NETO2: variants seen among roughly 807,000 people sequenced by gnomAD.
NETO2 encodes neuropilin and tolloid-like protein 2.
In NETO2, 28 loss-of-function variants were observed where a neutral mutation model predicts 62.5. The observed-to-expected ratio is 0.45, with a 90% CI of 0.33 to 0.61. The LOEUF (loss-of-function observed/expected upper bound fraction) is 0.61, where lower values mean the gene tolerates loss of function less well. Ranked by LOEUF, NETO2 falls within the 20% of genes least tolerant of loss-of-function variation. The probability of loss-of-function intolerance (pLI) is 0.02; values close to 1 mark genes in which losing one functional copy is unlikely to be tolerated. For synonymous variants in NETO2, 214 were observed against 219.1 expected, an observed-to-expected ratio of 0.98 and a Z score of 0.21; for missense variants, 548 against 643.2, an observed-to-expected ratio of 0.85 and a Z score of 1.60.
At chr16:47,116,761 GA>G (rs1963931037) in intron 6 of NETO2, among the ~76,000 whole-genome samples, 1 of 152,172 alleles carries the variant, frequency 6.6e-6, no homozygotes, top group Non-Finnish European at 1.5e-5. Flanking sequence ...TTCTTTGTTA[GA>G]AGGTGTTTAC....
At chr16:47,135,957 A>G (rs1376999218) in intron 1 of NETO2, among the ~76,000 whole-genome samples, 2 of 152,188 alleles carry the variant, frequency 1.3e-5, no homozygotes, top group Non-Finnish European at 2.9e-5. Context: ...AATAAACAAT[A>G]AATATACTGA....
rs750129372 is a variant in NETO2, at chr16:47,083,450, C to T, written c.1349G>A (p.Ser450Asn). The stretch of plus-strand genomic sequence containing the variant: ...TTCCATGGAACTGAGGTTGGTCCTG[C>T]TTTGTTTGACGCTGGAGGCCTGCGA... The part of the protein sequence containing the change: ...CGSQASSVKQ[S>N]RTNLSSMELP... Residue 450 changes from serine (S) to asparagine (N), a missense_variant, in exon 9 of 9, where the codon AGC becomes AAC. By Grantham distance (46) the Ser-to-Asn change is conservative. Transcript: ENST00000562435. 8 of 1,614,066 alleles carry T rather than the reference C, an allele frequency of 5.0e-6. No homozygotes were observed. The highest frequency in any genetic ancestry group is 4.4e-5 in the South Asian group (4 of 91,078).
At chr16:47,131,693 A>G (rs1422694220) in intron 2 of NETO2, among the ~76,000 whole-genome samples, 3 of 152,238 alleles carry the variant, frequency 2.0e-5, no homozygotes, top group South Asian at 2.1e-4. Context: ...GTGATAAAAT[A>G]TAAATCTCCT....
intron 6 of NETO2, among the ~76,000 whole-genome samples, chr16:47,115,614 G>A (rs892315448): frequency 1.0e-4 from 15 of 149,190 alleles, no homozygotes; most frequent in South Asian, 2.1e-4. Context: ...TGCAGCCTCC[G>A]CCTCCTTGGC....
At chr16:47,131,908 T>A (rs943236182) in intron 2 of NETO2, 61 bp downstream of exon 2, 14 of 1,406,710 alleles carry the variant, frequency 1.0e-5, no homozygotes, top group Non-Finnish European at 1.3e-5. Flanking sequence ...GTTGCAATCC[T>A]TTCAAATAAG....
At chr16:47,131,922 G>C (rs773313518) in intron 2 of NETO2, 47 bp downstream of exon 2, 5 of 1,488,160 alleles carry the variant, frequency 3.4e-6, no homozygotes. Context: ...AAATAAGCCA[G>C]TCCATTGTCT....
At chr16:47,115,879 A>AT (rs1963911134) in intron 6 of NETO2, among the ~76,000 whole-genome samples, 1 of 151,112 alleles carries the variant, frequency 6.6e-6, no homozygotes, top group Non-Finnish European at 1.5e-5. Context: ...CCTGCAATTG[A>AT]TTTTTGTATA....
At chr16:47,111,489 G>A (rs1250705618) in intron 6 of NETO2, among the ~76,000 whole-genome samples, 5 of 152,186 alleles carry the variant, frequency 3.3e-5, no homozygotes, top group Admixed American at 6.5e-5. Context: ...TATTCATAAC[G>A]TGAATCTGAC....
At chr16:47,129,444 G>A (rs1299158295) in intron 2 of NETO2, 80 bp from the exon 3 acceptor site, 5 of 1,409,626 alleles carry the variant, frequency 3.5e-6, no homozygotes, top group South Asian at 1.2e-5. Context: ...CTTTCCAAAC[G>A]ATTGCTCACT....
At chr16:47,125,790 A>G (rs964503585) in intron 4 of NETO2, among the ~76,000 whole-genome samples, 8 of 152,184 alleles carry the variant, frequency 5.3e-5, no homozygotes, top group Admixed American at 1.3e-4. Flanking sequence ...TTCTGGGCTC[A>G]TGCAATCCTC....
intron 7 of NETO2, among the ~76,000 whole-genome samples, chr16:47,108,917 T>C (rs1264015680): frequency 6.6e-6 from 1 of 152,240 alleles, no homozygotes; most frequent in Non-Finnish European, 1.5e-5. Context: ...ATCTATGGCA[T>C]ATCTAAATCT....
In NETO2 at chr16:47,083,118, G is replaced by A. The variant is rs894172337; in HGVS notation, c.*103C>T. On this transcript the variant is annotated 3_prime_UTR_variant, in exon 9 of 9. Transcript: ENST00000562435. ...AGGTTAACGGTAAATCAAGGTCTTC[G>A]TAGTTGTGATGGGAGAAAAGGGTTG... The A allele has an allele frequency of 2.6e-5, 26 of 1,005,416 alleles. No individual in the cohort carries two copies. The highest frequency in any genetic ancestry group is 1.6e-5 in the African/African-American group (1 of 61,874). The allele number at this position is 1,005,416 out of a possible 1,614,324, so 62.3% of individuals were successfully genotyped here. A position where few individuals can be genotyped will look rare whatever the true frequency, so the allele number is the denominator to read the frequency against.
chr16:47,122,538 A>G, intron 6 of NETO2, 119 bp downstream of exon 6: 1 of 1,049,748 alleles, frequency 9.5e-7, no homozygotes, highest in Non-Finnish European at 1.4e-6. Context: ...TACATTTTAA[A>G]AAGTTGCAGT....
intron 8 of NETO2, 49 bp downstream of exon 8, chr16:47,086,177 G>T: frequency 1.0e-6 from 1 of 991,614 alleles, no homozygotes; most frequent in Non-Finnish European, 1.6e-6. Flanking sequence ...TTAATGAAGG[G>T]CAATAGCCAC....
intron 6 of NETO2, among the ~76,000 whole-genome samples, chr16:47,117,410 C>CA (rs1310906995): frequency 2.0e-5 from 3 of 152,316 alleles, no homozygotes; most frequent in Admixed American, 2.0e-4. Context: ...ATATGTCCTT[C>CA]AAGTTTGGGA....
At chr16:47,116,907 C>A (rs1235962505) in intron 6 of NETO2, among the ~76,000 whole-genome samples, 1 of 152,150 alleles carries the variant, frequency 6.6e-6, no homozygotes, top group Non-Finnish European at 1.5e-5. Context: ...TAGAGCTGTT[C>A]CCTGTATTTT....
intron 7 of NETO2, among the ~76,000 whole-genome samples, chr16:47,088,112 CT>C (rs1332333529): frequency 6.6e-6 from 1 of 150,528 alleles, no homozygotes; most frequent in Non-Finnish European, 1.5e-5. Flanking sequence ...ATTTTTTTTT[CT>C]TTTTTTTTGG....
At chr16:47,083,866 TAGTA>T in intron 8 of NETO2, 65 bp from the exon 9 acceptor site, 2 of 1,250,806 alleles carry the variant, frequency 1.6e-6, no homozygotes, top group Non-Finnish European at 2.2e-6. Flanking sequence ...TGGTACAAAT[TAGTA>T]AGGTATTTTT....
intron 7 of NETO2, among the ~76,000 whole-genome samples, chr16:47,104,899 T>C (rs1441324177): frequency 6.6e-6 from 1 of 152,090 alleles, no homozygotes; most frequent in Non-Finnish European, 1.5e-5. Context: ...TTTGTACTTT[T>C]AGTAGAGATG....
Sources: allele counts gnomAD v4.1 joint callset (sites outside exome capture counted in the v4.1 genomes callset), GRCh38; gene constraint gnomAD v4.1.1; transcripts MANE v1.5; gene names NCBI Gene and HGNC (gene_info 2026-07-23, HGNC 2026-07-21).